The following DYSF variants were observed in gnomAD, a reference collection of about 807,000 sequenced individuals.
The protein encoded by DYSF is dystrophy-associated fer-1-like 1.
Under a neutral mutation model 274.9 loss-of-function variants are expected in DYSF, and 212 were observed. The observed-to-expected ratio is 0.77, with a 90% CI of 0.69 to 0.86. The LOEUF (loss-of-function observed/expected upper bound fraction) is 0.86, where lower values mean the gene tolerates loss of function less well. Ranked by LOEUF, DYSF falls within the 40% of genes least tolerant of loss-of-function variation. The probability of loss-of-function intolerance (pLI) is 0.00; values close to 1 mark genes in which losing one functional copy is unlikely to be tolerated. For synonymous variants in DYSF, 1,091 were observed against 1,078.7 expected (o/e 1.01, Z -0.22); for missense variants, 2,666 against 2,783.2 (o/e 0.96, Z 0.95).
At chr2:71,482,958 G>A (rs560239661) in intron 3 of DYSF, among the ~76,000 whole-genome samples, 1 of 152,292 alleles carries the variant, frequency 6.6e-6, no homozygotes, top group Admixed American at 6.5e-5. Flanking sequence ...TGAAAGCCTG[G>A]CTGTGTTGCC....
chr2:71,545,075 G>C (rs1158589286), intron 17 of DYSF, among the ~76,000 whole-genome samples: 1 of 152,172 alleles, frequency 6.6e-6, no homozygotes, highest in Non-Finnish European at 1.5e-5. Flanking sequence ...GCTTCTGCCT[G>C]ACAGAATCAA....
intron 55 of DYSF, among the ~76,000 whole-genome samples, chr2:71,685,848 G>C (rs971146950): frequency 4.6e-5 from 7 of 152,186 alleles, no homozygotes; most frequent in African/African-American, 7.2e-5. Flanking sequence ...ATGGTTTTTG[G>C]GGGGAGAAGT....
intron 32 of DYSF, among the ~76,000 whole-genome samples, chr2:71,595,708 C>T (rs2093386694): frequency 6.6e-6 from 1 of 152,210 alleles, no homozygotes; most frequent in Non-Finnish European, 1.5e-5. Flanking sequence ...TCCTTGTGTG[C>T]TCATGGCTGG....
chr2:71,675,495 A>T (rs2095204967), intron 52 of DYSF, among the ~76,000 whole-genome samples: 1 of 152,112 alleles, frequency 6.6e-6, no homozygotes, highest in Admixed American at 6.5e-5. Flanking sequence ...CCTGCAGGGG[A>T]TATTCTGAGG....
chr2:71,674,647 T>A (rs2095189601), intron 52 of DYSF, among the ~76,000 whole-genome samples: 1 of 152,220 alleles, frequency 6.6e-6, no homozygotes, highest in Admixed American at 6.5e-5. Flanking sequence ...CTGAGCCCTG[T>A]GAGTGAGGGT....
intron 42 of DYSF, among the ~76,000 whole-genome samples, chr2:71,653,708 T>C (rs1257797679): frequency 7.3e-5 from 11 of 150,764 alleles, no homozygotes; most frequent in Non-Finnish European, 1.3e-4. Flanking sequence ...ACACCTAATG[T>C]TAAATGAAGA....
intron 41 of DYSF, among the ~76,000 whole-genome samples, chr2:71,641,792 A>C (rs1450489167): frequency 6.6e-6 from 1 of 152,132 alleles, no homozygotes; most frequent in Non-Finnish European, 1.5e-5. Flanking sequence ...TTAAATTTCC[A>C]AAAGGTTAGT....
At chr2:71,602,424 C>G (rs2093568731) in intron 35 of DYSF, among the ~76,000 whole-genome samples, 1 of 152,168 alleles carries the variant, frequency 6.6e-6, no homozygotes, top group Admixed American at 6.5e-5. Flanking sequence ...CCTCAGCTTG[C>G]CAAGGCCACA....
intron 41 of DYSF, among the ~76,000 whole-genome samples, chr2:71,623,064 C>T (rs17583530): frequency 0.4 from 60,557 of 152,102 alleles, 13,164 homozygotes; most frequent in East Asian, 0.49. Context: ...AAACCCAAAT[C>T]GGTCAATTGG....
chr2:71,652,201 C>CA (rs2094676875), intron 42 of DYSF, among the ~76,000 whole-genome samples: 1 of 152,174 alleles, frequency 6.6e-6, no homozygotes, highest in Non-Finnish European at 1.5e-5. Flanking sequence ...AACACTAGGG[C>CA]AGTCCTTTCA....
intron 22 of DYSF, among the ~76,000 whole-genome samples, chr2:71,560,472 G>A (rs962203556): frequency 1.0e-4 from 9 of 85,980 alleles, no homozygotes; most frequent in Admixed American, 4.7e-4. Flanking sequence ...AGCGGCCTGG[G>A]GCAGCCCATC....
rs2092219862 is a variant in DYSF, at chr2:71,568,154, T to C, written c.2698-18T>C. 1 of 1,614,236 alleles carries C rather than the reference T, an allele frequency of 6.2e-7. No individual in the cohort carries two copies. Among genetic ancestry groups the C allele is most frequent in the South Asian group, 1.1e-5 (1 of 91,086 alleles). On this transcript the variant is annotated intron_variant, in intron 25 of 55. Coordinates refer to ENST00000410020, the MANE Select transcript of DYSF (RefSeq NM_001130987.2). ...GCCTTGGCCCCCTGCTCACGCCTCA[T>C]TCTTCCTGGCCCTCCAGTATGAGAA... is the stretch of plus-strand genomic sequence containing the variant.
In DYSF at chr2:71,561,961, G is replaced by A. The variant is rs748056797; in HGVS notation, c.2409+17G>A. ...GCAGAGGAGGTAATTAAGCCTGGGG[G>A]TGCCTTTCTTCTTCTGCTCTCCTGC... On this transcript the variant is annotated intron_variant, in intron 23 of 55. Coordinates refer to ENST00000410020, the MANE Select transcript of DYSF (RefSeq NM_001130987.2). 1 of 1,611,204 alleles carries A rather than the reference G, an allele frequency of 6.2e-7. No homozygotes were observed. Among genetic ancestry groups the A allele is most frequent in the Non-Finnish European group, 8.5e-7 (1 of 1,179,076 alleles).
rs201247914 is a variant in DYSF, at chr2:71,564,038, G to A, written c.2410-20G>A. On this transcript the variant is annotated intron_variant, in intron 23 of 55. Transcript: ENST00000410020. Reference sequence around the variant, plus strand: ...CCTGGTGTGTCACCATCCCCACCCCGACCACCACCCTCTGTTCAGCCCCAG... The same window carrying A: ...CCTGGTGTGTCACCATCCCCACCCCAACCACCACCCTCTGTTCAGCCCCAG... The A allele has an allele frequency of 9.3e-6, 15 of 1,613,202 alleles. No individual in the cohort carries two copies. Among genetic ancestry groups the A allele is most frequent in the Admixed American group, 1.7e-5 (1 of 60,018 alleles).
At chr2:71,577,126 G>A (rs1467669645) in intron 30 of DYSF, 3 of 152,918 alleles carry the variant, frequency 2.0e-5, no homozygotes, top group Non-Finnish European at 2.9e-5. Flanking sequence ...GTTTTGGAAG[G>A]TTTAGGTGTG....
At chr2:71,574,704 C>G (rs1219353061) in intron 30 of DYSF, among the ~76,000 whole-genome samples, 1 of 152,200 alleles carries the variant, frequency 6.6e-6, no homozygotes, top group African/African-American at 2.4e-5. Context: ...GCGAGGAGGC[C>G]CATGGGAGGA....
At chr2:71,635,225 A>G (rs573621537) in intron 41 of DYSF, among the ~76,000 whole-genome samples, 8 of 152,236 alleles carry the variant, frequency 5.3e-5, no homozygotes, top group African/African-American at 1.7e-4. Flanking sequence ...CTCCTTCTAC[A>G]CTTTCATTTC....
chr2:71,617,480 A>G (rs978665679), intron 40 of DYSF, among the ~76,000 whole-genome samples: 1 of 152,090 alleles, frequency 6.6e-6, no homozygotes, highest in Non-Finnish European at 1.5e-5. Flanking sequence ...TGGCAGGCAA[A>G]AGGGCTCGGG....
At chr2:71,496,563 T>C (rs946886256) in intron 3 of DYSF, among the ~76,000 whole-genome samples, 4 of 151,964 alleles carry the variant, frequency 2.6e-5, no homozygotes, top group African/African-American at 9.7e-5. Context: ...ACATAGACGG[T>C]AGGGGCTGTC....
Sources: allele counts gnomAD v4.1 joint callset (sites outside exome capture counted in the v4.1 genomes callset), GRCh38; gene constraint gnomAD v4.1.1; transcripts MANE v1.5; gene names NCBI Gene and HGNC (gene_info 2026-07-23, HGNC 2026-07-21).